Variants in MCRIP1 observed in about 807,000 individuals in gnomAD.
MCRIP1 encodes the protein mapk-regulated corepressor-interacting protein 1.
A neutral mutation model predicts 14.4 loss-of-function variants in MCRIP1; 10 were observed. The ratio of observed to expected loss-of-function variants is 0.70; its 90% CI spans 0.43 to 1.18. The LOEUF is 1.18. MCRIP1 is among the 50% of genes most tolerant of loss of function. MCRIP1 has a pLI of 0.00. For missense variants in MCRIP1, 119 were observed against 135.4 expected (o/e 0.88, Z 0.60); for synonymous variants, 53 against 55.7 (o/e 0.95, Z 0.21).
In MCRIP1 at chr17:81,823,978, C is replaced by T. The variant is rs537045504; in HGVS notation, c.127+309G>A. On this transcript the variant is annotated intron_variant, in intron 3 of 4. Transcript: ENST00000455127. The surrounding 1 kb of genome is among the most constrained non-coding windows in gnomAD (Gnocchi z 6.0). Reference sequence around the variant, plus strand: ...GGCCCCTCCCTTTCCCCAGCAAACTCCTCCAGTGCTGCTAGCATGGATGAC... The same window carrying T: ...GGCCCCTCCCTTTCCCCAGCAAACTTCTCCAGTGCTGCTAGCATGGATGAC... Among the ~76,000 whole-genome samples, 101 of 152,342 alleles carry T rather than the reference C, an allele frequency of 6.6e-4. No individual in the cohort carries two copies. Among genetic ancestry groups the T allele is most frequent in the African/African-American group, 1.8e-3 (76 of 41,584 alleles).
At position 81,822,880 on chromosome 17, in the gene MCRIP1, A is replaced by C; in HGVS notation, c.*367T>G. 2.5e-6 allele frequency: 1 copy of C among 405,046 alleles called. No individual in the cohort carries two copies. 25.1% of individuals were successfully genotyped at this position (405,046 alleles called of 1,614,324 possible). A position where few individuals can be genotyped will look rare whatever the true frequency, so the allele number is the denominator to read the frequency against. On this transcript the variant is annotated 3_prime_UTR_variant, in exon 5 of 5. Transcript: ENST00000455127. ...CAGTCCCAGCAGCCTGGGAGGCAGC[A>C]GAGGCTCCTTCTTCTCCCCTCCTGA...
intron 1 of MCRIP1, chr17:81,826,430 G>A: frequency 6.6e-7 from 1 of 1,507,572 alleles, no homozygotes; most frequent in Non-Finnish European, 8.9e-7. Context: ...GGCTGGGGTG[G>A]GAGGACTGCT....
At chr17:81,830,552 G>A (rs1468093992) in intron 1 of MCRIP1, among the ~76,000 whole-genome samples, 3 of 152,062 alleles carry the variant, frequency 2.0e-5, no homozygotes, top group South Asian at 4.1e-4. Flanking sequence ...CAGGAGAATC[G>A]CTTGAACCCG....
At chr17:81,827,629 G>A (rs914252111) in intron 1 of MCRIP1, among the ~76,000 whole-genome samples, 1 of 151,828 alleles carries the variant, frequency 6.6e-6, no homozygotes, top group Non-Finnish European at 1.5e-5. Context: ...GGCTGAGGTG[G>A]TAGGATTGCT....
chr17:81,829,238 A>G (rs1405881404), intron 1 of MCRIP1, among the ~76,000 whole-genome samples: 1 of 134,244 alleles, frequency 7.4e-6, no homozygotes, highest in Non-Finnish European at 1.6e-5. Flanking sequence ...TGGCGGCCTG[A>G]CCGAGGCCGA....
Position 81,823,540 on chromosome 17 carries a change from A to C in MCRIP1, c.128-27T>G. ...TGCAGAGGCAGAGAGTGGTGTGCTC[A>C]GGGCCCCCTGCCCCAGGGGGTGGCA... On this transcript the variant is annotated intron_variant, in intron 3 of 4. Coordinates refer to ENST00000455127, the MANE Select transcript of MCRIP1 (RefSeq NM_207368.5). This position sits in a 1 kb window ranked among gnomAD's most constrained non-coding sequence, Gnocchi z 6.0. 6.5e-7 allele frequency: 1 copy of C among 1,529,780 alleles called. No homozygotes were observed. The highest frequency in any genetic ancestry group is 8.8e-7 in the Non-Finnish European group (1 of 1,141,812). The allele number at this position is 1,529,780 out of a possible 1,614,324, so 94.8% of individuals were successfully genotyped here.
At chr17:81,829,180 C>G (rs1228511775) in intron 1 of MCRIP1, among the ~76,000 whole-genome samples, 1 of 152,036 alleles carries the variant, frequency 6.6e-6, no homozygotes, top group African/African-American at 2.4e-5. Flanking sequence ...GGTGGCAGCC[C>G]CTGAGCCAGC....
intron 1 of MCRIP1, among the ~76,000 whole-genome samples, chr17:81,829,444 C>A (rs553195155): frequency 3.2e-4 from 48 of 152,348 alleles, no homozygotes; most frequent in African/African-American, 1.1e-3. Flanking sequence ...GAATCAAGAC[C>A]GAGCATGCCG....
intron 1 of MCRIP1, among the ~76,000 whole-genome samples, chr17:81,829,599 G>A: frequency 6.6e-6 from 1 of 152,176 alleles, no homozygotes; most frequent in East Asian, 1.9e-4. Flanking sequence ...TTTAACCAAT[G>A]GTGGTTTTTA....
Position 81,823,385 on chromosome 17 carries a change from C to T in MCRIP1, c.229+27G>A, listed in dbSNP as rs1173923789. ...ATGAGGCCCGGCCTGCCGGCCCAGC[C>T]CTGCCCCCAGGTCAGCCCCCACTCA... On this transcript the variant is annotated intron_variant, in intron 4 of 4. Transcript: ENST00000455127. The surrounding 1 kb of genome is among the most constrained non-coding windows in gnomAD (Gnocchi z 6.0). The T allele has an allele frequency of 1.3e-6, 2 of 1,536,204 alleles. No individual in the cohort carries two copies. The highest frequency in any genetic ancestry group is 3.9e-5 in the Admixed American group (2 of 50,960).
At chr17:81,831,201 A>T (rs1598256066) in intron 1 of MCRIP1, among the ~76,000 whole-genome samples, 1 of 147,894 alleles carries the variant, frequency 6.8e-6, no homozygotes, top group East Asian at 1.9e-4. Context: ...TTAGCCAGGC[A>T]TGGTGGTATG....
chr17:81,824,442 AG>A (rs1014219213), intron 2 of MCRIP1, 37 bp from the exon 3 acceptor site: 1 of 1,534,024 alleles, frequency 6.5e-7, no homozygotes, highest in African/African-American at 1.4e-5. Context: ...GGCACACAGC[AG>A]GGTGGGAGCC....
Position 81,826,135 on chromosome 17 carries a change from G to A in MCRIP1, c.-48-1581C>T, listed in dbSNP as rs1353854779. The stretch of plus-strand genomic sequence containing the variant: ...ACCTTTGGCCTGGGATCCCCCTGCT[G>A]GGTTCGGTTGTCACTCCTGCCCCAG... On this transcript the variant is annotated intron_variant, in intron 1 of 4. Transcript: ENST00000455127. 5 of 1,485,756 alleles carry A rather than the reference G, an allele frequency of 3.4e-6. No individual in the cohort carries two copies. In the African/African-American group the frequency reaches 4.2e-5, roughly 12 times the overall value. The allele number at this position is 1,485,756 out of a possible 1,614,324, so 92.0% of individuals were successfully genotyped here. A position where few individuals can be genotyped will look rare whatever the true frequency, so the allele number is the denominator to read the frequency against.
chr17:81,824,995 G>C (rs1222130576), intron 1 of MCRIP1: 1 of 1,054,182 alleles, frequency 9.5e-7, no homozygotes, highest in Non-Finnish European at 1.1e-6. Flanking sequence ...GCTCTCCCTG[G>C]TGCAGGGCTG....
Position 81,824,509 on chromosome 17 carries a change from C to G in MCRIP1, c.-3G>C. On this transcript the variant is annotated 5_prime_UTR_variant, in exon 2 of 5. Transcript: ENST00000455127. ...CTGCCTGAGACCCACCTGGTCATCG[C>G]GGGGGCGTCTGATCCTAGCGCTCCA... The G allele has an allele frequency of 1.3e-6, 2 of 1,536,126 alleles. No individual in the cohort carries two copies. The highest frequency in any genetic ancestry group is 1.7e-6 in the Non-Finnish European group (2 of 1,146,814).
intron 1 of MCRIP1, among the ~76,000 whole-genome samples, chr17:81,830,124 G>C (rs2038487388): frequency 6.6e-6 from 1 of 152,080 alleles, no homozygotes; most frequent in South Asian, 2.1e-4. Flanking sequence ...CTGGGCTGCA[G>C]GTATTCCCCT....
chr17:81,832,970 C>T (rs1281205976), intron 1 of MCRIP1, among the ~76,000 whole-genome samples: 1 of 152,058 alleles, frequency 6.6e-6, no homozygotes, highest in Non-Finnish European at 1.5e-5. Flanking sequence ...CCGGCACCTG[C>T]CCCTGCCTGG....
chr17:81,822,610 C>T lies in MCRIP1; in HGVS notation c.*637G>A, dbSNP rs2038287040. On this transcript the variant is annotated 3_prime_UTR_variant, in exon 5 of 5. Coordinates refer to ENST00000455127, the MANE Select transcript of MCRIP1 (RefSeq NM_207368.5). ...CAGGGGCCACTGTGACCGCAGACAC[C>T]AGGAGGCCAGGCCTGGTTGCTGGGG... is the stretch of plus-strand genomic sequence containing the variant. 1 of 153,812 alleles carries T rather than the reference C, an allele frequency of 6.5e-6. No individual in the cohort carries two copies. Among genetic ancestry groups the T allele is most frequent in the South Asian group, 2.0e-4 (1 of 4,932 alleles). The allele number at this position is 153,812 out of a possible 1,614,324, so 9.5% of individuals were successfully genotyped here. A position where few individuals can be genotyped will look rare whatever the true frequency, so the allele number is the denominator to read the frequency against.
intron 1 of MCRIP1, among the ~76,000 whole-genome samples, chr17:81,831,241 G>C (rs1413667880): frequency 6.6e-6 from 1 of 151,076 alleles, no homozygotes; most frequent in Non-Finnish European, 1.5e-5. Context: ...TCAGGAGTCT[G>C]AGGCAGGAGA....
Sources: gnomAD v4.1 joint callset for allele counts (sites outside exome capture counted in the v4.1 genomes callset) on GRCh38, gnomAD v4.1.1 for gene constraint, Gnocchi (gnomAD v3.1) non-coding constraint, MANE v1.5 for transcripts, NCBI Gene and HGNC (gene_info 2026-07-23, HGNC 2026-07-21) for gene names.